STARD13: variants seen among roughly 807,000 people sequenced by gnomAD.
The protein encoded by STARD13 is StAR related lipid transfer domain containing 13.
In STARD13, 62 loss-of-function variants were observed where a neutral mutation model predicts 106.4. The ratio of observed to expected loss-of-function variants is 0.58; its 90% CI spans 0.48 to 0.72. STARD13 has a LOEUF of 0.72. Among genes scored for constraint, STARD13 ranks in the 30% least tolerant of loss-of-function variants. The pLI, the probability that STARD13 is intolerant of heterozygous loss-of-function variation, is 0.00. For missense variants in STARD13, 1,387 were observed against 1,424.0 expected (o/e 0.97, Z 0.42); for synonymous variants, 565 against 553.0 (o/e 1.02, Z -0.31).
chr13:33,182,389 A>G (rs898782751), intron 1 of STARD13, among the ~76,000 whole-genome samples: 14 of 152,168 alleles, frequency 9.2e-5, no homozygotes, highest in African/African-American at 3.4e-4. Context: ...TCCAGTCCCC[A>G]TATTCTCACT....
chr13:33,329,490 G>C (rs562473303), intron 1 of STARD13, among the ~76,000 whole-genome samples: 2 of 152,052 alleles, frequency 1.3e-5, no homozygotes, highest in East Asian at 3.9e-4. Flanking sequence ...TCTATAGTTT[G>C]ACTATTTTAG....
rs1885198965 is a variant in STARD13, at chr13:33,181,245, A to T, written c.170-13623T>A. 3.4e-5 allele frequency among the ~76,000 whole-genome samples: 5 copies of T among 145,534 alleles called. No homozygotes were observed. The South Asian group carries it at 1.1e-3, about 33-fold the overall frequency. ...TGGAATTTGGAGACATAGATATTCT[A>T]TCTCTGTCTTTCACTCACACATACA... On this transcript the variant is annotated intron_variant, in intron 1 of 13. Transcript: ENST00000336934.
At chr13:33,169,276 A>G (rs564660679) in intron 1 of STARD13, among the ~76,000 whole-genome samples, 3 of 152,342 alleles carry the variant, frequency 2.0e-5, no homozygotes, top group South Asian at 2.1e-4. Context: ...TCCTCTGGGA[A>G]GGTACAAAAG....
the STARD13 span, among the ~76,000 whole-genome samples, chr13:33,562,266 A>G: frequency 4.3e-4 from 63 of 146,410 alleles, 9 homozygotes; most frequent in African/African-American, 1.6e-3. Context: ...ATCATCCATA[A>G]TTTTCTTTAT....
At position 33,155,216 on chromosome 13, in the gene STARD13, G is replaced by A. The variant is rs576979073; in HGVS notation, c.323+10121C>T. Among the ~76,000 whole-genome samples, 11 of 151,390 alleles carry A rather than the reference G, an allele frequency of 7.3e-5. No homozygotes were observed. In the South Asian group the frequency reaches 1.7e-3, roughly 23 times the overall value. Reference sequence around the variant, plus strand: ...CCCACCCTATCTTCCCTCCTGACTCGCTCCTCCTTCATGGTTGTTCCCCAC... The same window carrying A: ...CCCACCCTATCTTCCCTCCTGACTCACTCCTCCTTCATGGTTGTTCCCCAC... On this transcript the variant is annotated intron_variant, in intron 3 of 13. Transcript: ENST00000336934.
At chr13:33,439,725 C>A in the STARD13 span, 1 of 1,253,678 alleles carries the variant, frequency 8.0e-7, no homozygotes, top group Non-Finnish European at 1.0e-6. Flanking sequence ...CAGAGAGCAC[C>A]TGTAAAAAAA....
chr13:33,176,234 T>C (rs1307229940), intron 1 of STARD13, among the ~76,000 whole-genome samples: 3 of 152,202 alleles, frequency 2.0e-5, no homozygotes, highest in Non-Finnish European at 2.9e-5. Flanking sequence ...ATTATCTGAG[T>C]ATACATGAAA....
At chr13:33,191,467 G>A (rs188214067) in intron 1 of STARD13, among the ~76,000 whole-genome samples, 178 of 152,210 alleles carry the variant, frequency 1.2e-3, no homozygotes, top group African/African-American at 4.0e-3. Context: ...TGTTGAAGTC[G>A]GTGACATTAA....
the STARD13 span, among the ~76,000 whole-genome samples, chr13:33,554,369 G>A: frequency 6.6e-6 from 1 of 152,104 alleles, no homozygotes; most frequent in African/African-American, 2.4e-5. Flanking sequence ...TAGCTGATTC[G>A]CATAGAGGGC....
chr13:33,235,163 G>T (rs923962269), intron 1 of STARD13, among the ~76,000 whole-genome samples: 1 of 152,122 alleles, frequency 6.6e-6, no homozygotes, highest in Non-Finnish European at 1.5e-5. Flanking sequence ...AGGAGGCTTG[G>T]GATATTTTTT....
intron 1 of STARD13, among the ~76,000 whole-genome samples, chr13:33,216,912 C>T (rs1162175733): frequency 6.6e-6 from 1 of 152,088 alleles, no homozygotes; most frequent in East Asian, 1.9e-4. Flanking sequence ...CATTCGAATC[C>T]CTGGCCCATC....
At chr13:33,530,368 A>C in the STARD13 span, among the ~76,000 whole-genome samples, 2 of 152,116 alleles carry the variant, frequency 1.3e-5, no homozygotes, top group East Asian at 3.9e-4. Flanking sequence ...TTTTACAGTA[A>C]TTATTTCCTT....
chr13:33,350,502 G>C, exon 1 of STARD13: 2 of 1,462,796 alleles, frequency 1.4e-6, no homozygotes, highest in South Asian at 1.3e-5. Context: ...TGGAAAGGAC[G>C]GACGCGGCAC....
intron 1 of STARD13, among the ~76,000 whole-genome samples, chr13:33,332,710 C>T (rs1044596808): frequency 1.3e-5 from 2 of 152,130 alleles, no homozygotes; most frequent in African/African-American, 2.4e-5. Flanking sequence ...TCCCAAATAG[C>T]ACCCCCTTTC....
At chr13:33,245,198 G>A (rs1314891430) in intron 1 of STARD13, among the ~76,000 whole-genome samples, 2 of 152,130 alleles carry the variant, frequency 1.3e-5, no homozygotes, top group Non-Finnish European at 2.9e-5. Context: ...TGGTTCTAGC[G>A]GAAAATTTTC....
Position 33,170,463 on chromosome 13 carries a change from G to A in STARD13, c.170-2841C>T, listed in dbSNP as rs1169426857. Among the ~76,000 whole-genome samples, 5 of 152,058 alleles carry A rather than the reference G, an allele frequency of 3.3e-5. No homozygotes were observed. In the South Asian group the frequency reaches 6.2e-4, roughly 19 times the overall value. On this transcript the variant is annotated intron_variant, in intron 1 of 13. Transcript: ENST00000336934. The stretch of plus-strand genomic sequence containing the variant: ...TTTTTATGACAGCAACATGGATAAC[G>A]AACTGAAATCCTATTCAGATACATA...
At chr13:33,500,842 C>A in the STARD13 span, among the ~76,000 whole-genome samples, 4 of 152,070 alleles carry the variant, frequency 2.6e-5, no homozygotes, top group African/African-American at 9.7e-5. Flanking sequence ...TCTAACTCCT[C>A]ATGATATGGG....
intron 9 of STARD13, 149 bp downstream of exon 9, chr13:33,112,572 G>T (rs113268388): frequency 6.3e-6 from 4 of 637,056 alleles, no homozygotes; most frequent in Non-Finnish European, 1.1e-5. Flanking sequence ...TCTACCTATC[G>T]TTGATCTATC....
rs78206708 is a variant in STARD13 at position 33,326,974 on chromosome 13, C to G, written c.124+23316G>C. Among the ~76,000 whole-genome samples, 384 of 152,282 alleles carry G rather than the reference C, an allele frequency of 2.5e-3. 3 individuals are homozygous for G. Among genetic ancestry groups the G allele is most frequent in the African/African-American group, 9.0e-3 (376 of 41,552 alleles). ...AGCCTGTGTGAACTGTGGTTGTATG[C>G]TATGAAAACTGAGCATAATTCTGAC... On this transcript the variant is annotated intron_variant, in intron 1 of 5. Coordinates refer to the STARD13 transcript ENST00000567873.
Sources: gnomAD v4.1 joint callset for allele counts (sites outside exome capture counted in the v4.1 genomes callset) on GRCh38, gnomAD v4.1.1 for gene constraint, MANE v1.5 for transcripts, NCBI Gene and HGNC (gene_info 2026-07-23, HGNC 2026-07-21) for gene names.